Variants in GRIK1 observed in about 807,000 individuals in gnomAD.
GRIK1 encodes glutamate receptor ionotropic, kainate 1.
A neutral mutation model predicts 105.7 loss-of-function variants in GRIK1; 69 were observed. The observed-to-expected ratio is 0.65, with a 90% confidence interval of 0.54 to 0.80. GRIK1 has a LOEUF of 0.80. Among genes scored for constraint, GRIK1 ranks in the 30% least tolerant of loss-of-function variants. The pLI is 0.00. For missense variants in GRIK1, 1,109 were observed against 1,167.3 expected (o/e 0.95, Z 0.73); for synonymous variants, 438 against 431.3 (o/e 1.02, Z -0.19).
In GRIK1 at chr21:29,594,672, C is replaced by T. The variant is rs139767800; in HGVS notation, c.1251+1854G>A. Among the ~76,000 whole-genome samples the T allele has an allele frequency of 3.2e-4, 48 of 152,156 alleles. No homozygotes were observed. The East Asian group carries it at 8.5e-3, about 27-fold the overall frequency. Reference sequence around the variant, plus strand: ...CATTAAGCAAACTTTTTTTAAAAAGCGATGCAATAAAAAGGGTATTCAGAG... The same window carrying T: ...CATTAAGCAAACTTTTTTTAAAAAGTGATGCAATAAAAAGGGTATTCAGAG... On this transcript the variant is annotated intron_variant, in intron 9 of 17. Transcript: ENST00000327783.
intron 1 of GRIK1, among the ~76,000 whole-genome samples, chr21:29,708,811 TA>T (rs111895013): frequency 6.6e-5 from 10 of 152,332 alleles, no homozygotes; most frequent in East Asian, 1.9e-4. Context: ...TTTTAATTTT[TA>T]TTTTTTTTGG....
At chr21:29,568,452 A>G (rs1483305329) in intron 14 of GRIK1, among the ~76,000 whole-genome samples, 1 of 152,182 alleles carries the variant, frequency 6.6e-6, no homozygotes, top group Admixed American at 6.5e-5. Context: ...CACTCCCTGG[A>G]AAGAGATGAT....
At chr21:29,871,760 A>ATTTTTTTTTTT (rs35513177) in intron 1 of GRIK1, among the ~76,000 whole-genome samples, 1 of 121,156 alleles carries the variant, frequency 8.3e-6, no homozygotes, top group South Asian at 2.7e-4. Context: ...AATCTTTTTA[A>ATTTTTTTTTTT]TTTTTTTTTT....
chr21:29,927,158 CAAT>C (rs1156296281), intron 1 of GRIK1, among the ~76,000 whole-genome samples: 3 of 152,016 alleles, frequency 2.0e-5, no homozygotes, highest in African/African-American at 7.2e-5. Context: ...ATTCGAAATG[CAAT>C]AATAACTTTA....
chr21:29,790,045 A>ATT (rs2066369149), intron 1 of GRIK1, among the ~76,000 whole-genome samples: 1 of 152,112 alleles, frequency 6.6e-6, no homozygotes, highest in African/African-American at 2.4e-5. Context: ...ATATTTATTT[A>ATT]TTTATCTATT....
intron 1 of GRIK1, among the ~76,000 whole-genome samples, chr21:29,891,002 T>C (rs969762872): frequency 2.6e-5 from 4 of 152,162 alleles, no homozygotes; most frequent in Non-Finnish European, 2.9e-5. Context: ...GACTAGAATA[T>C]CTTAAACTGA....
chr21:29,878,198 C>T (rs1466438812), intron 1 of GRIK1, among the ~76,000 whole-genome samples: 1 of 152,072 alleles, frequency 6.6e-6, no homozygotes, highest in Non-Finnish European at 1.5e-5. Flanking sequence ...GATTAAATGA[C>T]TGCATTTGCT....
chr21:29,866,813 G>C (rs1281093156), intron 1 of GRIK1, among the ~76,000 whole-genome samples: 3 of 152,164 alleles, frequency 2.0e-5, no homozygotes, highest in Admixed American at 1.3e-4. Context: ...ATTCAAAATT[G>C]GTTCTGACAT....
intron 7 of GRIK1, among the ~76,000 whole-genome samples, chr21:29,640,120 T>C (rs1287104064): frequency 6.6e-6 from 1 of 151,342 alleles, no homozygotes; most frequent in Non-Finnish European, 1.5e-5. Flanking sequence ...TTTTTTTTTC[T>C]GACTCTAGTT....
chr21:29,821,859 T>A (rs2067315898), intron 1 of GRIK1, among the ~76,000 whole-genome samples: 1 of 152,062 alleles, frequency 6.6e-6, no homozygotes, highest in African/African-American at 2.4e-5. Context: ...TTTTATGTAC[T>A]CATGACACAC....
chr21:29,653,362 C>T (rs570990643), intron 5 of GRIK1, among the ~76,000 whole-genome samples: 15 of 152,280 alleles, frequency 9.9e-5, no homozygotes, highest in African/African-American at 3.1e-4. Context: ...AGGGTTTCCA[C>T]GCAACAAAGA....
chr21:29,727,048 A>G (rs562665813), intron 1 of GRIK1, among the ~76,000 whole-genome samples: 10 of 152,024 alleles, frequency 6.6e-5, no homozygotes, highest in Non-Finnish European at 1.3e-4. Flanking sequence ...CGATCCTTCC[A>G]CCTCAGATTC....
At chr21:29,752,852 G>A (rs1205981746) in intron 1 of GRIK1, among the ~76,000 whole-genome samples, 1 of 152,074 alleles carries the variant, frequency 6.6e-6, no homozygotes, top group African/African-American at 2.4e-5. Context: ...AAAATAAAAA[G>A]TATATGTAAG....
At chr21:29,746,560 C>T (rs1033004379) in intron 1 of GRIK1, among the ~76,000 whole-genome samples, 8 of 152,026 alleles carry the variant, frequency 5.3e-5, no homozygotes, top group South Asian at 2.1e-4. Context: ...GATATCATTC[C>T]GGCTAATTCA....
intron 1 of GRIK1, among the ~76,000 whole-genome samples, chr21:29,838,598 G>C (rs761456601): frequency 6.6e-6 from 1 of 152,148 alleles, no homozygotes; most frequent in Non-Finnish European, 1.5e-5. Context: ...AGAAACAGCA[G>C]AACTAGTAGG....
At chr21:29,549,772 T>C (rs1349079387) in intron 16 of GRIK1, among the ~76,000 whole-genome samples, 1 of 152,094 alleles carries the variant, frequency 6.6e-6, no homozygotes, top group Non-Finnish European at 1.5e-5. Flanking sequence ...TCCATTGACA[T>C]GATGGCAAGA....
chr21:29,869,084 G>A (rs373686601), intron 1 of GRIK1, among the ~76,000 whole-genome samples: 9 of 152,218 alleles, frequency 5.9e-5, no homozygotes, highest in Non-Finnish European at 1.2e-4. Context: ...AAACATTGAC[G>A]TTCACTTGGG....
chr21:29,722,831 G>A (rs1236862787), intron 1 of GRIK1, among the ~76,000 whole-genome samples: 4 of 152,146 alleles, frequency 2.6e-5, no homozygotes, highest in African/African-American at 9.7e-5. Flanking sequence ...AAAGCAAAGA[G>A]ATTGAATTGA....
intron 15 of GRIK1, among the ~76,000 whole-genome samples, chr21:29,558,323 T>C (rs540130493): frequency 2.6e-4 from 40 of 151,334 alleles, no homozygotes; most frequent in Middle Eastern, 3.4e-3. Flanking sequence ...TAAATGACAT[T>C]GGAAGTTATT....
Sources: gnomAD v4.1 joint callset for allele counts (sites outside exome capture counted in the v4.1 genomes callset) on GRCh38, gnomAD v4.1.1 for gene constraint, MANE v1.5 for transcripts, NCBI Gene and HGNC (gene_info 2026-07-23, HGNC 2026-07-21) for gene names.